Variants in SPAG16 observed in about 807,000 individuals in gnomAD.
SPAG16 encodes sperm-associated antigen 16 protein.
Under a neutral mutation model 80.4 loss-of-function variants are expected in SPAG16, and 86 were observed. The observed-to-expected ratio is 1.07, with a 90% CI of 0.90 to 1.28. SPAG16 has a LOEUF of 1.28. Among genes scored for constraint, SPAG16 ranks in the 50% most tolerant of loss-of-function variants. SPAG16 has a pLI of 0.00. For missense variants in SPAG16, 870 were observed against 765.3 expected (o/e 1.14, Z -1.61); for synonymous variants, 294 against 265.9 (o/e 1.11, Z -1.03).
At chr2:213,587,550 CT>C (rs2060515475) in intron 10 of SPAG16, among the ~76,000 whole-genome samples, 1 of 152,170 alleles carries the variant, frequency 6.6e-6, no homozygotes. Flanking sequence ...AGGGGCCATT[CT>C]TTCATTGTCC....
chr2:213,980,342 CTCTA>C (rs1219841975), intron 12 of SPAG16, among the ~76,000 whole-genome samples: 1 of 20,322 alleles, frequency 4.9e-5, no homozygotes, highest in Non-Finnish European at 6.8e-5. Context: ...TATATATATT[CTCTA>C]TATATATAGA....
At chr2:213,806,759 A>G (rs2071793758) in intron 10 of SPAG16, among the ~76,000 whole-genome samples, 1 of 152,320 alleles carries the variant, frequency 6.6e-6, no homozygotes, top group East Asian at 1.9e-4. Context: ...TTTTTTAAAA[A>G]GATTACAAAT....
intron 15 of SPAG16, among the ~76,000 whole-genome samples, chr2:214,166,865 G>T (rs566859599): frequency 1.3e-5 from 2 of 152,218 alleles, no homozygotes; most frequent in East Asian, 3.9e-4. Flanking sequence ...ACATGAAAGA[G>T]AAAAAATGAA....
chr2:214,148,572 C>T (rs2055781090), intron 14 of SPAG16, among the ~76,000 whole-genome samples: 1 of 152,152 alleles, frequency 6.6e-6, no homozygotes, highest in Non-Finnish European at 1.5e-5. Flanking sequence ...CACCTGGTCC[C>T]TGTCATTCTA....
chr2:213,917,853 G>A (rs948390978), intron 11 of SPAG16, among the ~76,000 whole-genome samples: 13 of 152,130 alleles, frequency 8.5e-5, no homozygotes, highest in Non-Finnish European at 1.8e-4. Flanking sequence ...ACTGGTGCTG[G>A]TTTTCAAAGG....
At chr2:214,179,806 A>G (rs1468201296) in intron 15 of SPAG16, among the ~76,000 whole-genome samples, 1 of 151,590 alleles carries the variant, frequency 6.6e-6, no homozygotes, top group East Asian at 1.9e-4. Context: ...AATTACATTT[A>G]AATTTAAATT....
chr2:214,213,529 A>G (rs1224611243), intron 15 of SPAG16, among the ~76,000 whole-genome samples: 1 of 152,174 alleles, frequency 6.6e-6, no homozygotes, highest in South Asian at 2.1e-4. Flanking sequence ...CTTCTCAACT[A>G]TAGCATTATT....
chr2:214,103,509 A>G (rs375797016), intron 13 of SPAG16, among the ~76,000 whole-genome samples: 89 of 152,328 alleles, frequency 5.8e-4, no homozygotes, highest in African/African-American at 2.1e-3. Flanking sequence ...TAGATCTCAG[A>G]CAGCATGAAA....
At chr2:214,010,762 A>G (rs1031015177) in intron 12 of SPAG16, among the ~76,000 whole-genome samples, 6 of 146,478 alleles carry the variant, frequency 4.1e-5, no homozygotes, top group Non-Finnish European at 7.4e-5. Flanking sequence ...CACTAGGAAG[A>G]TGGGGAAGGA....
At chr2:213,853,168 A>C (rs545860559) in intron 10 of SPAG16, among the ~76,000 whole-genome samples, 1 of 152,340 alleles carries the variant, frequency 6.6e-6, no homozygotes, top group South Asian at 2.1e-4. Flanking sequence ...AAACATTTAC[A>C]ATGTTGAATA....
intron 9 of SPAG16, among the ~76,000 whole-genome samples, chr2:213,419,652 G>T (rs765946732): frequency 2.4e-4 from 36 of 152,038 alleles, no homozygotes; most frequent in Non-Finnish European, 2.2e-4. Context: ...AAATAATTTT[G>T]CATTAAAAGC....
At chr2:214,052,361 T>A (rs185139974) in intron 13 of SPAG16, among the ~76,000 whole-genome samples, 89 of 152,328 alleles carry the variant, frequency 5.8e-4, no homozygotes, top group Middle Eastern at 3.4e-3. Context: ...TGTTCACAGT[T>A]ACACAGCTTT....
At chr2:213,799,960 GAAAA>G (rs11296127) in intron 10 of SPAG16, among the ~76,000 whole-genome samples, 3 of 130,576 alleles carry the variant, frequency 2.3e-5, no homozygotes, top group Non-Finnish European at 3.2e-5. Context: ...AGACTGGATT[GAAAA>G]AAAAAAAAAA....
chr2:214,057,436 G>A (rs1029457590), intron 13 of SPAG16, among the ~76,000 whole-genome samples: 1 of 151,966 alleles, frequency 6.6e-6, no homozygotes, highest in Non-Finnish European at 1.5e-5. Context: ...TGGAGCAGTA[G>A]GTCTTAACGG....
At chr2:213,304,486 T>G (rs1233751518) in intron 3 of SPAG16, among the ~76,000 whole-genome samples, 1 of 152,160 alleles carries the variant, frequency 6.6e-6, no homozygotes. Context: ...TTGGGAGTTT[T>G]CTCTTAGAAG....
At position 213,442,150 on chromosome 2, in the gene SPAG16, AAAAC is replaced by A. The variant is rs147797455; in HGVS notation, c.943-47804_943-47801del. On this transcript the variant is annotated intron_variant, in intron 9 of 15. Transcript: ENST00000331683. Reference sequence around the variant, plus strand: ...GCGACAAAGTGAGACTCCGTCTCAAAAAACAAACAAACCGAAACCACTATATCAT... The same window carrying A: ...GCGACAAAGTGAGACTCCGTCTCAAAAAACAAACCGAAACCACTATATCAT... Among the ~76,000 whole-genome samples the A allele has an allele frequency of 9.9e-5, 15 of 152,150 alleles. No homozygotes were observed. The East Asian group carries it at 2.5e-3, about 25-fold the overall frequency.
intron 10 of SPAG16, among the ~76,000 whole-genome samples, chr2:213,543,646 G>A (rs1425048870): frequency 6.6e-6 from 1 of 152,026 alleles, no homozygotes; most frequent in African/African-American, 2.4e-5. Flanking sequence ...TCTCTATCCT[G>A]TTCCACTGGT....
At chr2:213,757,456 C>A (rs2068405115) in intron 10 of SPAG16, among the ~76,000 whole-genome samples, 1 of 151,760 alleles carries the variant, frequency 6.6e-6, no homozygotes, top group Non-Finnish European at 1.5e-5. Flanking sequence ...AAGGATATTA[C>A]AAAATTACAG....
At chr2:213,876,265 A>G (rs1333228961) in intron 11 of SPAG16, among the ~76,000 whole-genome samples, 1 of 151,316 alleles carries the variant, frequency 6.6e-6, no homozygotes, top group African/African-American at 2.4e-5. Context: ...TGGCTAATAC[A>G]TAAGGGGACA....
Sources: allele counts gnomAD v4.1 joint callset (sites outside exome capture counted in the v4.1 genomes callset), GRCh38; gene constraint gnomAD v4.1.1; transcripts MANE v1.5; gene names NCBI Gene and HGNC (gene_info 2026-07-23, HGNC 2026-07-21).